Variants in LHFPL3 observed in about 807,000 individuals in gnomAD.
LHFPL3 encodes LHFPL tetraspan subfamily member 3, also known as LHFPL tetraspan subfamily member 3 protein.
Under a neutral mutation model 19.3 loss-of-function variants are expected in LHFPL3, and 5 were observed. The ratio of observed to expected loss-of-function variants is 0.26; its 90% confidence interval spans 0.14 to 0.54. LHFPL3 has a LOEUF of 0.54. LHFPL3 is among the 20% of genes least tolerant of loss of function. LHFPL3 has a pLI of 0.94. For missense variants in LHFPL3, 249 were observed against 307.4 expected (o/e 0.81, Z 1.42); for synonymous variants, 133 against 126.2 (o/e 1.05, Z -0.36).
chr7:104,846,439 G>A (rs1237675525), intron 2 of LHFPL3, among the ~76,000 whole-genome samples: 1 of 152,094 alleles, frequency 6.6e-6, no homozygotes, highest in East Asian at 1.9e-4. Context: ...AGATATGACT[G>A]AGCACTGCCC....
At chr7:104,703,637 C>T (rs1342806623) in intron 1 of LHFPL3, among the ~76,000 whole-genome samples, 1 of 152,172 alleles carries the variant, frequency 6.6e-6, no homozygotes, top group African/African-American at 2.4e-5. Context: ...TTATGATTCT[C>T]ACCAATGTAT....
intron 1 of LHFPL3, among the ~76,000 whole-genome samples, chr7:104,589,061 G>A (rs1412057130): frequency 6.6e-6 from 1 of 152,064 alleles, no homozygotes; most frequent in Non-Finnish European, 1.5e-5. Context: ...CTGCAAACAG[G>A]GACAATTTGA....
intron 1 of LHFPL3, among the ~76,000 whole-genome samples, chr7:104,392,869 G>C (rs117826677): frequency 6.6e-6 from 1 of 152,140 alleles, no homozygotes; most frequent in Non-Finnish European, 1.5e-5. Context: ...TTCCGAGCCT[G>C]TTATTGGTCT....
intron 2 of LHFPL3, among the ~76,000 whole-genome samples, chr7:104,884,240 C>A (rs1474904113): frequency 6.6e-6 from 1 of 152,146 alleles, no homozygotes; most frequent in Non-Finnish European, 1.5e-5. Flanking sequence ...CTTCCATTCC[C>A]TTCTATTCTG....
chr7:104,422,724 A>G (rs1338688961), intron 1 of LHFPL3, among the ~76,000 whole-genome samples: 3 of 152,208 alleles, frequency 2.0e-5, no homozygotes, highest in Non-Finnish European at 4.4e-5. Flanking sequence ...ATAAATGGTT[A>G]AGATAAAATA....
rs548050400 is a variant in LHFPL3 at position 104,885,270 on chromosome 7, C to T, written c.683-20917C>T. On this transcript the variant is annotated intron_variant, in intron 2 of 2. Transcript: ENST00000424859. ...TCCTCCCTCCAAGGGTGGTATGGTA[C>T]AGGGCCAGTCCTTGGCCTTTCCTCC... 1.2e-4 allele frequency among the ~76,000 whole-genome samples: 19 copies of T among 152,342 alleles called. No individual in the cohort carries two copies. The South Asian group carries it at 3.9e-3, about 32-fold the overall frequency.
intron 1 of LHFPL3, 35 bp downstream of exon 1, chr7:104,329,259 C>A (rs950831614): frequency 6.4e-7 from 1 of 1,553,998 alleles, no homozygotes; most frequent in Non-Finnish European, 8.7e-7. Flanking sequence ...AGGCGGAGGA[C>A]CCCGGGGCGC....
At chr7:104,462,984 T>C (rs561301045) in intron 1 of LHFPL3, among the ~76,000 whole-genome samples, 1 of 152,316 alleles carries the variant, frequency 6.6e-6, no homozygotes, top group South Asian at 2.1e-4. Flanking sequence ...TGTGTATGTT[T>C]CCAGGAATTC....
chr7:104,390,956 G>A (rs1294666862), intron 1 of LHFPL3, among the ~76,000 whole-genome samples: 1 of 152,106 alleles, frequency 6.6e-6, no homozygotes, highest in Non-Finnish European at 1.5e-5. Flanking sequence ...ATTTTTTTAT[G>A]TGTCTGTTGG....
intron 2 of LHFPL3, among the ~76,000 whole-genome samples, chr7:104,749,456 G>C (rs1015424625): frequency 6.6e-6 from 1 of 151,234 alleles, no homozygotes; most frequent in Non-Finnish European, 1.5e-5. Context: ...CCTGGTGGCT[G>C]GTTCTTTATT....
chr7:104,334,186 T>C lies in LHFPL3; in HGVS notation c.445+4962T>C, dbSNP rs116150301. Reference sequence around the variant, plus strand: ...ATAGTAGGTATTCGATAATTTTTCATTGAGTTAATAAATTGAAAAATAATG... The same window carrying C: ...ATAGTAGGTATTCGATAATTTTTCACTGAGTTAATAAATTGAAAAATAATG... On this transcript the variant is annotated intron_variant, in intron 1 of 2. Coordinates refer to ENST00000424859, the MANE Select transcript of LHFPL3 (RefSeq NM_199000.3). Among the ~76,000 whole-genome samples the C allele has an allele frequency of 4.0e-3, 606 of 152,280 alleles. 4 individuals carry two copies. Among genetic ancestry groups the C allele is most frequent in the African/African-American group, 0.014 (576 of 41,548 alleles).
At chr7:104,704,922 C>G (rs1793165075) in intron 1 of LHFPL3, among the ~76,000 whole-genome samples, 1 of 152,296 alleles carries the variant, frequency 6.6e-6, no homozygotes, top group South Asian at 2.1e-4. Flanking sequence ...AGGCATGAGC[C>G]ATTGCACTGA....
chr7:104,441,618 C>T (rs1162319260), intron 1 of LHFPL3, among the ~76,000 whole-genome samples: 1 of 152,082 alleles, frequency 6.6e-6, no homozygotes, highest in Non-Finnish European at 1.5e-5. Flanking sequence ...GCCCTGTCGC[C>T]CAAGCTGGGG....
intron 1 of LHFPL3, among the ~76,000 whole-genome samples, chr7:104,400,960 TAA>T (rs1182006148): frequency 2.0e-5 from 3 of 152,228 alleles, no homozygotes; most frequent in African/African-American, 7.2e-5. Flanking sequence ...AATTTAGAGC[TAA>T]CAAATGTTAT....
At chr7:104,593,377 A>C (rs1424750262) in intron 1 of LHFPL3, among the ~76,000 whole-genome samples, 1 of 151,976 alleles carries the variant, frequency 6.6e-6, no homozygotes, top group Non-Finnish European at 1.5e-5. Flanking sequence ...CCTGAGTTCT[A>C]GTTTGATTGC....
chr7:104,710,949 G>T (rs1469890741), intron 1 of LHFPL3, among the ~76,000 whole-genome samples: 1 of 152,120 alleles, frequency 6.6e-6, no homozygotes, highest in Non-Finnish European at 1.5e-5. Flanking sequence ...ATATAAAAAT[G>T]ATAATACCAT....
At chr7:104,869,946 A>G (rs978535331) in intron 2 of LHFPL3, among the ~76,000 whole-genome samples, 3 of 152,048 alleles carry the variant, frequency 2.0e-5, no homozygotes, top group Admixed American at 6.6e-5. Flanking sequence ...TTGTAGGGAC[A>G]TGGATGAAGC....
intron 1 of LHFPL3, among the ~76,000 whole-genome samples, chr7:104,505,726 A>G (rs1368093095): frequency 6.6e-6 from 1 of 152,268 alleles, no homozygotes; most frequent in Non-Finnish European, 1.5e-5. Context: ...GAGTATTCAA[A>G]TATGAATAAA....
At chr7:104,613,086 G>A (rs1459376037) in intron 1 of LHFPL3, among the ~76,000 whole-genome samples, 1 of 152,168 alleles carries the variant, frequency 6.6e-6, no homozygotes, top group African/African-American at 2.4e-5. Context: ...TAACTTTTGT[G>A]TACTGGTTAT....
Sources: allele counts gnomAD v4.1 joint callset (sites outside exome capture counted in the v4.1 genomes callset), GRCh38; gene constraint gnomAD v4.1.1; transcripts MANE v1.5; gene names NCBI Gene and HGNC (gene_info 2026-07-23, HGNC 2026-07-21).